IGF2R: variants seen among roughly 807,000 people sequenced by gnomAD.
The protein encoded by IGF2R is insulin like growth factor 2 receptor.
Under a neutral mutation model 270.6 loss-of-function variants are expected in IGF2R, and 91 were observed. The ratio of observed to expected loss-of-function variants is 0.34; its 90% CI spans 0.28 to 0.40. The LOEUF is 0.40. Ranked by LOEUF, IGF2R falls within the 10% of genes least tolerant of loss-of-function variation. The probability of loss-of-function intolerance (pLI) is 1.00; values close to 1 mark genes in which losing one functional copy is unlikely to be tolerated. For synonymous variants in IGF2R, 1,316 were observed against 1,258.9 expected (o/e 1.05, Z -0.96); for missense variants, 2,805 against 3,188.3 (o/e 0.88, Z 2.90).
At chr6:159,990,074 A>G (rs759261588) in intron 1 of IGF2R, among the ~76,000 whole-genome samples, 14 of 152,340 alleles carry the variant, frequency 9.2e-5, no homozygotes, top group South Asian at 4.1e-4. Flanking sequence ...CTGTAGCTCT[A>G]AGAGGTAAAA....
At chr6:160,002,075 G>A (rs1036473697) in intron 2 of IGF2R, among the ~76,000 whole-genome samples, 8 of 152,136 alleles carry the variant, frequency 5.3e-5, no homozygotes, top group African/African-American at 1.7e-4. Flanking sequence ...TTACAATAAA[G>A]TAAGCTAAAG....
At chr6:160,035,235 G>T (rs1777791726) in intron 10 of IGF2R, among the ~76,000 whole-genome samples, 1 of 152,138 alleles carries the variant, frequency 6.6e-6, no homozygotes, top group Admixed American at 6.5e-5. Flanking sequence ...GGCCCATTCT[G>T]GTTTCCAGCC....
chr6:160,062,846 C>A (rs561187432), intron 26 of IGF2R, among the ~76,000 whole-genome samples: 15 of 151,388 alleles, frequency 9.9e-5, no homozygotes, highest in Admixed American at 5.9e-4. Flanking sequence ...GGGATTTTGG[C>A]GTCTGATGCT....
In IGF2R at chr6:160,107,840, CATT is replaced by C. The variant is rs1286943921; in HGVS notation, c.*2758_*2760del. 3 of 152,190 alleles carry C rather than the reference CATT, an allele frequency of 2.0e-5. No homozygotes were observed. Among genetic ancestry groups the C allele is most frequent in the African/African-American group, 7.2e-5 (3 of 41,440 alleles). The allele number at this position is 152,190 out of a possible 1,614,324, so 9.4% of individuals were successfully genotyped here. On this transcript the variant is annotated 3_prime_UTR_variant, in exon 48 of 48. Coordinates refer to ENST00000356956, the MANE Select transcript of IGF2R (RefSeq NM_000876.4). ...ATACAGACAGGAGACAACATATAGA[CATT>C]AGAACTTACAGGACAAAGAACTCTT...
At chr6:159,986,928 A>G (rs1783897222) in intron 1 of IGF2R, among the ~76,000 whole-genome samples, 1 of 152,276 alleles carries the variant, frequency 6.6e-6, no homozygotes, top group African/African-American at 2.4e-5. Context: ...CAGGTAGAGA[A>G]TTTTCTAACA....
chr6:160,036,619 A>G (rs1409080481), intron 10 of IGF2R, among the ~76,000 whole-genome samples: 2 of 152,212 alleles, frequency 1.3e-5, no homozygotes, highest in Non-Finnish European at 2.9e-5. Context: ...AGACAGAATC[A>G]TTATCCAAAA....
At chr6:160,083,388 C>G (rs531905753) in intron 39 of IGF2R, among the ~76,000 whole-genome samples, 2 of 152,024 alleles carry the variant, frequency 1.3e-5, no homozygotes, top group East Asian at 3.8e-4. Context: ...GGTTTTATAC[C>G]GAGACATTCA....
rs142821185 is a variant in IGF2R at position 160,043,263 on chromosome 6, C to T, written c.1596C>T (p.Pro532=). The T allele has an allele frequency of 2.5e-5, 40 of 1,613,972 alleles. No homozygotes were observed. Among genetic ancestry groups the T allele is most frequent in the Middle Eastern group, 1.6e-4 (1 of 6,082 alleles). The part of the protein sequence containing the change: ...VLQEGKARGC[P]EDAAVCAVDK... ...AGGAAGGCAAGGCACGAGGGTGTCC[C>T]GAGGACGCGGCAGTGTGTGCAGTGG... Residue 532 remains proline (P), a synonymous_variant, in exon 12 of 48, where the codon CCC becomes CCT. Coordinates refer to ENST00000356956, the MANE Select transcript of IGF2R (RefSeq NM_000876.4).
chr6:160,061,026 T>C (rs147136427), intron 23 of IGF2R, among the ~76,000 whole-genome samples: 129 of 152,184 alleles, frequency 8.5e-4, no homozygotes, highest in African/African-American at 2.9e-3. Flanking sequence ...CAGAGCTTCT[T>C]ATTTGAGGGT....
At position 160,044,428 on chromosome 6, in the gene IGF2R, C is replaced by T. The variant is rs1364348294; in HGVS notation, c.1622-86C>T. The T allele has an allele frequency of 9.4e-6, 11 of 1,165,586 alleles. No individual in the cohort carries two copies. The East Asian group carries it at 2.7e-4, about 28-fold the overall frequency. 72.2% of individuals were successfully genotyped at this position (1,165,586 alleles called of 1,614,324 possible). On this transcript the variant is annotated intron_variant, in intron 12 of 47. Transcript: ENST00000356956. ...CTGATTTCTTTCTTTCTTTCTCTTT[C>T]TTTCTTTTTTTTTTAAGTCACTTCT...
In IGF2R at chr6:159,969,326, AGCT is replaced by A; in HGVS notation, c.90_92del (p.Leu31del). On this transcript the variant is annotated inframe_deletion, in exon 1 of 48. Coordinates refer to ENST00000356956, the MANE Select transcript of IGF2R (RefSeq NM_000876.4). ...CCGCAGCGCTCTCTGCTCCTGCTGC[AGCT>A]GCTGCTGCTCGTCGCTGCCCCGGGG... 9 of 1,305,342 alleles carry A rather than the reference AGCT, an allele frequency of 6.9e-6. No individual in the cohort carries two copies. Among genetic ancestry groups the A allele is most frequent in the Middle Eastern group, 2.9e-4 (1 of 3,498 alleles). The allele number at this position is 1,305,342 out of a possible 1,614,324, so 80.9% of individuals were successfully genotyped here.
chr6:159,982,014 A>G (rs898196624), intron 1 of IGF2R, among the ~76,000 whole-genome samples: 15 of 152,214 alleles, frequency 9.9e-5, no homozygotes, highest in African/African-American at 3.1e-4. Flanking sequence ...TAGAATAGGA[A>G]GTGAAGTACT....
Position 160,085,002 on chromosome 6 carries a change from A to G in IGF2R, c.6076A>G (p.Ile2026Val), listed in dbSNP as rs760362203. The G allele has an allele frequency of 1.2e-6, 2 of 1,614,082 alleles. No individual in the cohort carries two copies. The highest frequency in any genetic ancestry group is 1.1e-5 in the South Asian group (1 of 91,084). The change falls in exon 41 of 48, where the codon ATA becomes GTA. Residue 2026 changes from isoleucine (I) to valine (V), a missense_variant. Coordinates refer to ENST00000356956, the MANE Select transcript of IGF2R (RefSeq NM_000876.4). ...CTTTGTGTCGTTTTCTAGGTACTAT[A>G]TAAATCTGTGCCAGAAAATATATAA... ...SLVHNGVSYY[I>V]NLCQKIYKGP... is the part of the protein sequence containing the mutation.
At position 160,064,872 on chromosome 6, in the gene IGF2R, A is replaced by C; in HGVS notation, c.4086A>C (p.Pro1362=). ...AGTGGCGAACGCAGTATGCCTGCCC[A>C]CCTTTCGATCTGACTGAATGTTCAT... ...LFEWRTQYAC[P]PFDLTECSFK... Residue 1362 remains proline, a synonymous_variant, in exon 29 of 48, where the codon CCA becomes CCC. Transcript: ENST00000356956. 6.2e-7 allele frequency: 1 copy of C among 1,612,898 alleles called. No individual in the cohort carries two copies. The highest frequency in any genetic ancestry group is 8.5e-7 in the Non-Finnish European group (1 of 1,178,844).
chr6:160,044,367 G>C (rs1329640911), intron 12 of IGF2R, 147 bp from the exon 13 acceptor site: 1 of 740,978 alleles, frequency 1.3e-6, no homozygotes, highest in Non-Finnish European at 2.2e-6. Flanking sequence ...GGTGGGTTCA[G>C]GGGGCTGGAG....
At chr6:160,032,904 T>C in intron 8 of IGF2R, 38 bp from the exon 9 acceptor site, 1 of 1,526,716 alleles carries the variant, frequency 6.6e-7, no homozygotes, top group South Asian at 1.2e-5. Flanking sequence ...CCTATTCATA[T>C]AAAACAAGCC....
In IGF2R at chr6:160,004,961, T is replaced by C. The variant is rs534668411; in HGVS notation, c.290-4049T>C. 6.6e-6 allele frequency: 1 copy of C among 152,220 alleles called. No homozygotes were observed. The highest frequency in any genetic ancestry group is 1.9e-4 in the East Asian group (1 of 5,166). 9.4% of individuals were successfully genotyped at this position (152,220 alleles called of 1,614,324 possible). A position where few individuals can be genotyped will look rare whatever the true frequency, so the allele number is the denominator to read the frequency against. On this transcript the variant is annotated intron_variant, in intron 2 of 47. Transcript: ENST00000356956. The surrounding 1 kb of genome is among the most constrained non-coding windows in gnomAD (Gnocchi z 5.2). ...GCATAAGCTTATTACCATAAGGTAA[T>C]GAGGTGTGTTCTGATTGGATCTTGC...
At position 160,041,814 on chromosome 6, in the gene IGF2R, G is replaced by A. The variant is rs150977789; in HGVS notation, c.1480+1090G>A. On this transcript the variant is annotated intron_variant, in intron 11 of 47. Coordinates refer to ENST00000356956, the MANE Select transcript of IGF2R (RefSeq NM_000876.4). Reference sequence around the variant, plus strand: ...GGGAACGGTGCCATAGTTAATTCTGGCACATGTGTGCTAGTGAAGACATTG... The same window carrying A: ...GGGAACGGTGCCATAGTTAATTCTGACACATGTGTGCTAGTGAAGACATTG... Among the ~76,000 whole-genome samples the A allele has an allele frequency of 1.5e-3, 229 of 152,256 alleles. 1 individual carries two copies. The highest frequency in any genetic ancestry group is 5.2e-3 in the African/African-American group (218 of 41,534).
intron 1 of IGF2R, among the ~76,000 whole-genome samples, chr6:159,970,378 T>C (rs1783591950): frequency 6.6e-6 from 1 of 152,226 alleles, no homozygotes; most frequent in South Asian, 2.1e-4. Context: ...CTTTTACAAG[T>C]TACTTTTCAG....
Sources: allele counts gnomAD v4.1 joint callset (sites outside exome capture counted in the v4.1 genomes callset), GRCh38; gene constraint gnomAD v4.1.1; non-coding constraint Gnocchi (gnomAD v3.1); transcripts MANE v1.5; gene names NCBI Gene and HGNC (gene_info 2026-07-23, HGNC 2026-07-21).